Variants in LGSN observed in about 807,000 individuals in gnomAD.
LGSN encodes the protein lengsin, lens protein with glutamine synthetase domain, also known as lengsin.
LGSN carries 21 observed loss-of-function variants against 19.5 expected under a neutral mutation model. The ratio of observed to expected loss-of-function variants is 1.07; its 90% CI spans 0.76 to 1.55. The LOEUF (loss-of-function observed/expected upper bound fraction) is 1.55. Among genes scored for constraint, LGSN ranks in the 40% most tolerant of loss-of-function variants. The probability of loss-of-function intolerance (pLI) is 0.00; values close to 1 mark genes in which losing one functional copy is unlikely to be tolerated. For missense variants in LGSN, 673 were observed against 608.5 expected (o/e 1.11, Z -1.12); for synonymous variants, 257 against 215.6 (o/e 1.19, Z -1.68).
chr6:63,505,629 G>GAAAT, the LGSN span, among the ~76,000 whole-genome samples: 1,441 of 87,896 alleles, frequency 0.016, 209 homozygotes, highest in African/African-American at 0.033. Context: ...AAGAAAGAAA[G>GAAAT]AAAGAAATTC....
chr6:63,438,552 A>G, the LGSN span, among the ~76,000 whole-genome samples: 1 of 152,050 alleles, frequency 6.6e-6, no homozygotes, highest in Non-Finnish European at 1.5e-5. Context: ...AAGGACATGA[A>G]CAGACACTTC....
the LGSN span, among the ~76,000 whole-genome samples, chr6:63,329,302 G>A: frequency 6.1e-4 from 93 of 152,278 alleles, no homozygotes; most frequent in Non-Finnish European, 8.8e-4. Context: ...CAGAGTGCAG[G>A]GGAATACAAA....
the LGSN span, among the ~76,000 whole-genome samples, chr6:63,365,519 T>C: frequency 0.13 from 19,817 of 151,276 alleles, 2,858 homozygotes; most frequent in African/African-American, 0.36. Context: ...CAAAGAGGAG[T>C]TGGTACCATT....
intron 1 of LGSN, among the ~76,000 whole-genome samples, chr6:63,302,681 A>C (rs1387253748): frequency 6.6e-6 from 1 of 152,220 alleles, no homozygotes; most frequent in Non-Finnish European, 1.5e-5. Context: ...AATTGCCTAC[A>C]ATAACCCATT....
chr6:63,363,956 T>G, the LGSN span, among the ~76,000 whole-genome samples: 4 of 149,532 alleles, frequency 2.7e-5, no homozygotes, highest in South Asian at 8.3e-4. Context: ...GAAAAACTGG[T>G]ACCAGCCACT....
chr6:63,341,427 A>G, the LGSN span, among the ~76,000 whole-genome samples: 94 of 152,316 alleles, frequency 6.2e-4, no homozygotes, highest in Non-Finnish European at 1.1e-3. Flanking sequence ...ATCGGTCTTC[A>G]GGATGCCTGA....
At chr6:63,343,644 T>C in the LGSN span, among the ~76,000 whole-genome samples, 28 of 152,310 alleles carry the variant, frequency 1.8e-4, no homozygotes, top group African/African-American at 6.5e-4. Context: ...GTTACTGTGG[T>C]AGGCAGAATT....
the LGSN span, among the ~76,000 whole-genome samples, chr6:63,413,814 G>C: frequency 6.6e-6 from 1 of 152,134 alleles, no homozygotes; most frequent in South Asian, 2.1e-4. Flanking sequence ...AAGATAGTAA[G>C]TGCAAACAGA....
At chr6:63,521,955 G>T in the LGSN span, 1 of 152,312 alleles carries the variant, frequency 6.6e-6, no homozygotes, top group African/African-American at 2.4e-5. Flanking sequence ...TTCATAGAGA[G>T]TTCTGATCTG....
At chr6:63,364,442 C>T in the LGSN span, among the ~76,000 whole-genome samples, 1 of 152,094 alleles carries the variant, frequency 6.6e-6, no homozygotes, top group Non-Finnish European at 1.5e-5. Context: ...AAAGCAGGTC[C>T]TTAGAGACCT....
the LGSN span, among the ~76,000 whole-genome samples, chr6:63,337,173 T>A: frequency 2.0e-5 from 3 of 151,840 alleles, no homozygotes; most frequent in Non-Finnish European, 4.4e-5. Flanking sequence ...TCTGCCCGCC[T>A]CGGTCTCCCA....
At chr6:63,480,835 A>C in the LGSN span, among the ~76,000 whole-genome samples, 4 of 151,164 alleles carry the variant, frequency 2.6e-5, no homozygotes, top group Non-Finnish European at 4.4e-5. Context: ...AAAAAAAAAA[A>C]AAAACTTGCA....
intron 1 of LGSN, among the ~76,000 whole-genome samples, chr6:63,312,653 A>T (rs1319063175): frequency 6.6e-6 from 1 of 152,202 alleles, no homozygotes; most frequent in Non-Finnish European, 1.5e-5. Context: ...GAATTGAGAA[A>T]CACTACAGCT....
chr6:63,422,804 A>G, the LGSN span, among the ~76,000 whole-genome samples: 1 of 152,152 alleles, frequency 6.6e-6, no homozygotes, highest in African/African-American at 2.4e-5. Context: ...ATAGAGACAC[A>G]AAAAACAGAA....
the LGSN span, among the ~76,000 whole-genome samples, chr6:63,555,262 C>A: frequency 1.1e-4 from 16 of 152,132 alleles, no homozygotes; most frequent in African/African-American, 1.2e-4. Flanking sequence ...GCAAACATTT[C>A]CAACATTAGA....
the LGSN span, among the ~76,000 whole-genome samples, chr6:63,520,739 T>C: frequency 6.6e-6 from 1 of 152,278 alleles, no homozygotes; most frequent in Non-Finnish European, 1.5e-5. Flanking sequence ...CTGTGGTTTG[T>C]GTTTATTATT....
intron 1 of LGSN, among the ~76,000 whole-genome samples, chr6:63,299,685 G>A (rs1467474702): frequency 6.6e-6 from 1 of 152,118 alleles, no homozygotes; most frequent in African/African-American, 2.4e-5. Context: ...CCTTGTCCGT[G>A]TCTGTCTATA....
At chr6:63,387,100 C>T in the LGSN span, among the ~76,000 whole-genome samples, 1 of 149,508 alleles carries the variant, frequency 6.7e-6, no homozygotes, top group East Asian at 1.9e-4. Context: ...GACTCCGTCT[C>T]AAAAAAAAAT....
chr6:63,534,986 G>C, the LGSN span, among the ~76,000 whole-genome samples: 3 of 152,122 alleles, frequency 2.0e-5, no homozygotes, highest in South Asian at 6.2e-4. Flanking sequence ...CTTAAACCCA[G>C]GAGGCAGAGG....
Sources: allele counts gnomAD v4.1 joint callset (sites outside exome capture counted in the v4.1 genomes callset), GRCh38; gene constraint gnomAD v4.1.1; transcripts MANE v1.5; gene names NCBI Gene and HGNC (gene_info 2026-07-23, HGNC 2026-07-21).